The following RNF130 variants were observed in gnomAD, a reference collection of about 807,000 sequenced individuals.
RNF130 encodes ring finger protein 130.
RNF130 carries 21 observed loss-of-function variants against 44.6 expected under a neutral mutation model. That is an observed-to-expected ratio of 0.47 (90% CI 0.33 to 0.68). The LOEUF is 0.68. Among genes scored for constraint, RNF130 ranks in the 30% least tolerant of loss-of-function variants. The probability of loss-of-function intolerance (pLI) is 0.02; values close to 1 mark genes in which losing one functional copy is unlikely to be tolerated. For synonymous variants in RNF130, 214 were observed against 210.4 expected (o/e 1.02, Z -0.15); for missense variants, 479 against 560.6 (o/e 0.85, Z 1.47).
intron 2 of RNF130, among the ~76,000 whole-genome samples, chr5:180,036,868 C>T (rs1764262057): frequency 6.6e-6 from 1 of 152,106 alleles, no homozygotes; most frequent in African/African-American, 2.4e-5. Flanking sequence ...ATTATAGATA[C>T]ATTTACTTCT....
intron 3 of RNF130, among the ~76,000 whole-genome samples, chr5:179,999,146 C>T (rs558146452): frequency 6.6e-5 from 10 of 151,302 alleles, no homozygotes; most frequent in African/African-American, 2.2e-4. Context: ...CTCAGACTCC[C>T]GAGTAGCTGG....
At chr5:180,051,964 T>C (rs778141250) in intron 1 of RNF130, among the ~76,000 whole-genome samples, 1 of 152,244 alleles carries the variant, frequency 6.6e-6, no homozygotes, top group Non-Finnish European at 1.5e-5. Context: ...CAGTGCAATA[T>C]AAGTGTTAAT....
intron 1 of RNF130, among the ~76,000 whole-genome samples, chr5:180,050,048 A>C (rs1023435438): frequency 6.6e-6 from 1 of 152,200 alleles, no homozygotes; most frequent in Non-Finnish European, 1.5e-5. Flanking sequence ...TGGCTTAAAC[A>C]ACAGAAATGT....
chr5:180,025,303 C>T (rs950652009), intron 2 of RNF130, among the ~76,000 whole-genome samples: 29 of 152,312 alleles, frequency 1.9e-4, no homozygotes, highest in African/African-American at 5.8e-4. Context: ...GTATTTCAAA[C>T]CCATGTAGAT....
chr5:179,981,145 T>C (rs1762827871), intron 3 of RNF130, among the ~76,000 whole-genome samples: 1 of 150,680 alleles, frequency 6.6e-6, no homozygotes, highest in Non-Finnish European at 1.5e-5. Context: ...AGTAATAATC[T>C]AGTAAAGATA....
At chr5:180,038,664 C>T (rs1764333106) in intron 2 of RNF130, among the ~76,000 whole-genome samples, 2 of 152,062 alleles carry the variant, frequency 1.3e-5, no homozygotes, top group Non-Finnish European at 1.5e-5. Flanking sequence ...CTGGGAAATG[C>T]TGCATTGATA....
At chr5:179,931,219 G>T (rs1251868450) in intron 7 of RNF130, among the ~76,000 whole-genome samples, 1 of 152,126 alleles carries the variant, frequency 6.6e-6, no homozygotes, top group Non-Finnish European at 1.5e-5. Flanking sequence ...AACTGGGACT[G>T]TAACACTGAT....
intron 3 of RNF130, among the ~76,000 whole-genome samples, chr5:179,994,191 C>A (rs113076515): frequency 0.11 from 17,401 of 151,398 alleles, 2,174 homozygotes; most frequent in African/African-American, 0.32. Context: ...TTGGCTTATG[C>A]GGGCTCTTTT....
chr5:180,007,279 T>C (rs937201873), intron 3 of RNF130, among the ~76,000 whole-genome samples: 1 of 152,148 alleles, frequency 6.6e-6, no homozygotes, highest in African/African-American at 2.4e-5. Context: ...CACACATCTT[T>C]AGTCCCAGCT....
intron 3 of RNF130, among the ~76,000 whole-genome samples, chr5:180,010,014 G>A (rs1380038446): frequency 6.6e-6 from 1 of 152,120 alleles, no homozygotes; most frequent in Non-Finnish European, 1.5e-5. Context: ...TTGGGAGGCT[G>A]AGGTGGGCGG....
In RNF130 at chr5:180,005,249, G is replaced by A. The variant is rs189309561; in HGVS notation, c.693+7812C>T. ...TTGAAACCAGCCTGGCCAACATGGCGAAACCCCGTCTCTACTAAAAATACA... is the reference window on the plus strand; with the variant it reads ...TTGAAACCAGCCTGGCCAACATGGCAAAACCCCGTCTCTACTAAAAATACA... On this transcript the variant is annotated intron_variant, in intron 3 of 8. Transcript: ENST00000521389. 1.3e-3 allele frequency among the ~76,000 whole-genome samples: 196 copies of A among 152,212 alleles called. 1 individual carries two copies. The highest frequency in any genetic ancestry group is 4.4e-3 in the African/African-American group (183 of 41,526).
chr5:179,971,017 GA>G (rs1490481276), intron 5 of RNF130, among the ~76,000 whole-genome samples: 2 of 151,952 alleles, frequency 1.3e-5, no homozygotes, highest in Non-Finnish European at 2.9e-5. Context: ...CAGGGAAGCT[GA>G]AACTATTTTA....
At chr5:180,054,744 C>T (rs954510577) in intron 1 of RNF130, among the ~76,000 whole-genome samples, 5 of 152,108 alleles carry the variant, frequency 3.3e-5, no homozygotes, top group African/African-American at 4.8e-5. Flanking sequence ...CTGGTATTTT[C>T]ACAGGATGGT....
intron 5 of RNF130, among the ~76,000 whole-genome samples, chr5:179,971,637 G>A (rs1285905336): frequency 1.3e-5 from 2 of 152,256 alleles, no homozygotes; most frequent in East Asian, 3.9e-4. Context: ...CCAAAGTGCT[G>A]GGATGACAGG....
intron 2 of RNF130, among the ~76,000 whole-genome samples, chr5:180,017,849 T>A (rs1340979020): frequency 6.6e-6 from 1 of 152,226 alleles, no homozygotes; most frequent in South Asian, 2.1e-4. Context: ...CATGGTACTT[T>A]AACCTCTTTG....
chr5:180,033,526 C>T (rs79415650), intron 2 of RNF130, among the ~76,000 whole-genome samples: 1 of 152,040 alleles, frequency 6.6e-6, no homozygotes, highest in Admixed American at 6.6e-5. Context: ...GAGTTCGAGA[C>T]CAGCCCGGCC....
intron 7 of RNF130, among the ~76,000 whole-genome samples, chr5:179,935,240 T>C (rs1251905116): frequency 1.3e-5 from 2 of 152,174 alleles, no homozygotes; most frequent in Non-Finnish European, 2.9e-5. Context: ...TCCTTAAATA[T>C]TAGTTGAAAT....
chr5:180,022,425 A>G (rs541591670), intron 2 of RNF130, among the ~76,000 whole-genome samples: 14 of 152,384 alleles, frequency 9.2e-5, no homozygotes, highest in African/African-American at 3.1e-4. Context: ...CCCTGTGTAC[A>G]GAGCTTTCCT....
chr5:180,018,050 C>G (rs1339132758), intron 2 of RNF130, among the ~76,000 whole-genome samples: 1 of 152,156 alleles, frequency 6.6e-6, no homozygotes, highest in South Asian at 2.1e-4. Context: ...AATCTCAGCA[C>G]TTTGGGAGAT....
Sources: gnomAD v4.1 joint callset for allele counts (sites outside exome capture counted in the v4.1 genomes callset) on GRCh38, gnomAD v4.1.1 for gene constraint, MANE v1.5 for transcripts, NCBI Gene and HGNC (gene_info 2026-07-23, HGNC 2026-07-21) for gene names.